The following TRUB1 variants were observed in gnomAD, a reference collection of about 807,000 sequenced individuals.
The protein encoded by TRUB1 is pseudouridylate synthase TRUB1.
Under a neutral mutation model 33.9 loss-of-function variants are expected in TRUB1, and 23 were observed. The ratio of observed to expected loss-of-function variants is 0.68; its 90% CI spans 0.49 to 0.96. TRUB1 has a LOEUF of 0.96. Ranked by LOEUF, TRUB1 falls within the 40% of genes least tolerant of loss-of-function variation. TRUB1 has a pLI of 0.00. For synonymous variants in TRUB1, 163 were observed against 165.4 expected (o/e 0.99, Z 0.11); for missense variants, 378 against 422.2 (o/e 0.90, Z 0.92).
Position 114,940,213 on chromosome 10 carries a change from C to T in TRUB1, c.286+1674C>T, listed in dbSNP as rs145532963. 6.4e-4 allele frequency among the ~76,000 whole-genome samples: 97 copies of T among 152,302 alleles called. 2 individuals carry two copies. In the East Asian group the frequency reaches 0.016, roughly 25 times the overall value. On this transcript the variant is annotated intron_variant, in intron 1 of 7. Transcript: ENST00000298746. ...CTCGGCTCACTGCAACCTTCCCCTC[C>T]TGGGTTCAAGTGATTCTCCTGCCTC...
chr10:114,974,460 G>T (rs542579032), intron 7 of TRUB1, 75 bp downstream of exon 7: 9 of 1,338,174 alleles, frequency 6.7e-6, no homozygotes, highest in Non-Finnish European at 9.6e-6. Context: ...GGAATTTTCC[G>T]TTTTTCTTAT....
At chr10:114,954,657 T>C (rs992728444) in intron 3 of TRUB1, among the ~76,000 whole-genome samples, 86 of 152,050 alleles carry the variant, frequency 5.7e-4, no homozygotes, top group Admixed American at 2.0e-3. Context: ...TTTTTTTTTT[T>C]CCCTGTGCCT....
intron 4 of TRUB1, among the ~76,000 whole-genome samples, chr10:114,960,325 A>G (rs896385580): frequency 3.3e-5 from 5 of 152,188 alleles, no homozygotes; most frequent in Admixed American, 1.3e-4. Context: ...TAAGTTTCCT[A>G]CTATCCCTTC....
At chr10:114,965,965 T>C (rs2084306108) in intron 4 of TRUB1, among the ~76,000 whole-genome samples, 1 of 152,142 alleles carries the variant, frequency 6.6e-6, no homozygotes, top group African/African-American at 2.4e-5. Flanking sequence ...CCCAAATTCA[T>C]TACTGCAATT....
chr10:114,957,600 G>A (rs1022263486), intron 3 of TRUB1, among the ~76,000 whole-genome samples: 1 of 152,180 alleles, frequency 6.6e-6, no homozygotes, highest in African/African-American at 2.4e-5. Context: ...GATGGATTAA[G>A]GGGTGGCTTT....
At chr10:114,973,869 G>A in intron 6 of TRUB1, among the ~76,000 whole-genome samples, 1 of 152,046 alleles carries the variant, frequency 6.6e-6, no homozygotes, top group East Asian at 1.9e-4. Context: ...TGGTTGGTTG[G>A]TTGTATTTTT....
At chr10:114,959,365 A>G (rs1592051747) in intron 3 of TRUB1, among the ~76,000 whole-genome samples, 4 of 152,298 alleles carry the variant, frequency 2.6e-5, no homozygotes, top group Admixed American at 2.6e-4. Flanking sequence ...AGTCAAGGCT[A>G]TTGTACCATT....
At chr10:114,969,780 G>C (rs1347768503) in intron 4 of TRUB1, among the ~76,000 whole-genome samples, 1 of 150,678 alleles carries the variant, frequency 6.6e-6, no homozygotes, top group Non-Finnish European at 1.5e-5. Context: ...GAAGGGGGAG[G>C]CTGGGGCGGG....
At chr10:114,950,189 C>T (rs1334979021) in intron 2 of TRUB1, among the ~76,000 whole-genome samples, 1 of 152,186 alleles carries the variant, frequency 6.6e-6, no homozygotes, top group Non-Finnish European at 1.5e-5. Context: ...TGAGCCAACA[C>T]ACCTGGCCTT....
intron 2 of TRUB1, among the ~76,000 whole-genome samples, chr10:114,946,923 T>G (rs1443549301): frequency 6.6e-6 from 1 of 152,218 alleles, no homozygotes; most frequent in Non-Finnish European, 1.5e-5. Flanking sequence ...TATATTAGGT[T>G]ACATCACAAG....
At chr10:114,959,683 T>C (rs946370300) in intron 3 of TRUB1, 43 bp from the exon 4 acceptor site, 9 of 1,332,468 alleles carry the variant, frequency 6.8e-6, no homozygotes, top group Admixed American at 6.7e-5. Flanking sequence ...ACAGTTTTTG[T>C]TTGCCTCACG....
rs201362858 is a variant in TRUB1 at position 114,951,103 on chromosome 10, T to C, written c.395T>C (p.Ile132Thr). ...TTTCTTTGATTTGTAGTTGTTGGAA[T>C]TGGAAGCGGAACAAAAATGTTGACC... ...SAARGVLVVG[I>T]GSGTKMLTSM... The change falls in exon 3 of 8, where the codon ATT (isoleucine) becomes ACT (threonine). Residue 132 changes from isoleucine (I) to threonine (T), a missense_variant. Physicochemically the swap from Ile to Thr is moderately conservative, Grantham distance 89. Transcript: ENST00000298746. The C allele has an allele frequency of 1.2e-6, 2 of 1,612,304 alleles. No homozygotes were observed. Among genetic ancestry groups the C allele is most frequent in the East Asian group, 2.2e-5 (1 of 44,722 alleles).
intron 2 of TRUB1, among the ~76,000 whole-genome samples, chr10:114,945,181 A>G (rs2084206272): frequency 6.6e-6 from 1 of 152,202 alleles, no homozygotes; most frequent in Non-Finnish European, 1.5e-5. Context: ...GTGAGTGACA[A>G]AGTCAGGATT....
chr10:114,971,444 AG>A (rs1246941756), intron 5 of TRUB1, among the ~76,000 whole-genome samples: 3 of 151,938 alleles, frequency 2.0e-5, no homozygotes, highest in Non-Finnish European at 4.4e-5. Flanking sequence ...TAAAATCTTG[AG>A]TTTTTTTCAG....
At chr10:114,970,038 A>G (rs1161372653) in intron 4 of TRUB1, among the ~76,000 whole-genome samples, 1 of 152,160 alleles carries the variant, frequency 6.6e-6, no homozygotes, top group Admixed American at 6.5e-5. Flanking sequence ...GATCATTTCT[A>G]TAGCTAATGT....
intron 5 of TRUB1, among the ~76,000 whole-genome samples, chr10:114,971,229 T>G (rs985724857): frequency 2.0e-5 from 3 of 152,162 alleles, no homozygotes; most frequent in Admixed American, 6.5e-5. Context: ...CCCTACCTCC[T>G]AATATCAACA....
At position 114,952,086 on chromosome 10, in the gene TRUB1, C is replaced by T. The variant is rs77546382; in HGVS notation, c.441+937C>T. 6.0e-3 allele frequency among the ~76,000 whole-genome samples: 917 copies of T among 152,230 alleles called. 9 individuals carry two copies. The highest frequency in any genetic ancestry group is 0.021 in the African/African-American group (885 of 41,524). On this transcript the variant is annotated intron_variant, in intron 3 of 7. Coordinates refer to ENST00000298746, the MANE Select transcript of TRUB1 (RefSeq NM_139169.5). ...TTTCTACGCAATCTCATTTTCTGAA[C>T]TTATTATAGATAACTGGCCTGTGGA...
intron 3 of TRUB1, among the ~76,000 whole-genome samples, chr10:114,955,468 T>G (rs2084257991): frequency 6.6e-6 from 1 of 152,206 alleles, no homozygotes; most frequent in Non-Finnish European, 1.5e-5. Context: ...CATGTCCAGA[T>G]ATAAAGGTAC....
At chr10:114,969,965 A>G (rs1564701904) in intron 4 of TRUB1, among the ~76,000 whole-genome samples, 1 of 152,218 alleles carries the variant, frequency 6.6e-6, no homozygotes, top group East Asian at 1.9e-4. Context: ...GAAACTTAGA[A>G]AAGAACTTAC....
Sources: allele counts gnomAD v4.1 joint callset (sites outside exome capture counted in the v4.1 genomes callset), GRCh38; gene constraint gnomAD v4.1.1; transcripts MANE v1.5; gene names NCBI Gene and HGNC (gene_info 2026-07-23, HGNC 2026-07-21).